Variants in GMPS observed in about 807,000 individuals in gnomAD.
GMPS encodes the protein guanosine monophosphate synthase, also known as GMP synthase [glutamine-hydrolyzing].
GMPS carries 15 observed loss-of-function variants against 77.9 expected under a neutral mutation model. That is an observed-to-expected ratio of 0.19 (90% confidence interval 0.13 to 0.30). The LOEUF (loss-of-function observed/expected upper bound fraction) is 0.30, where lower values mean the gene tolerates loss of function less well. Among genes scored for constraint, GMPS ranks in the 10% least tolerant of loss-of-function variants. The pLI is 1.00. For missense variants in GMPS, 590 were observed against 838.8 expected, an observed-to-expected ratio of 0.70 and a Z score of 3.66; for synonymous variants, 224 against 275.9, an observed-to-expected ratio of 0.81 and a Z score of 1.86.
Position 155,870,818 on chromosome 3 carries a change from C to A in GMPS, c.-53C>A. The A allele has an allele frequency of 7.8e-7, 1 of 1,276,832 alleles. No homozygotes were observed. The highest frequency in any genetic ancestry group is 1.1e-6 in the Non-Finnish European group (1 of 924,890). The allele number at this position is 1,276,832 out of a possible 1,614,324, so 79.1% of individuals were successfully genotyped here. A position where few individuals can be genotyped will look rare whatever the true frequency, so the allele number is the denominator to read the frequency against. Reference sequence around the variant, plus strand: ...CGGCGCCGACCCTTCCGGCACCCTCCCGCCCCGTCTCGTACTGTCGCCGTC... The same window carrying A: ...CGGCGCCGACCCTTCCGGCACCCTCACGCCCCGTCTCGTACTGTCGCCGTC... On this transcript the variant is annotated 5_prime_UTR_variant, in exon 1 of 16. Coordinates refer to ENST00000496455, the MANE Select transcript of GMPS (RefSeq NM_003875.3).
At chr3:155,920,490 G>A (rs1051154073) in intron 10 of GMPS, among the ~76,000 whole-genome samples, 7 of 149,796 alleles carry the variant, frequency 4.7e-5, no homozygotes, top group African/African-American at 1.2e-4. Flanking sequence ...CAGGAGAATC[G>A]CTTGAACCCG....
chr3:155,916,417 C>T (rs1755181369), intron 9 of GMPS, among the ~76,000 whole-genome samples: 1 of 151,986 alleles, frequency 6.6e-6, no homozygotes, highest in African/African-American at 2.4e-5. Context: ...TCCTCCTTTC[C>T]TCCTTTCTTG....
intron 1 of GMPS, among the ~76,000 whole-genome samples, chr3:155,888,313 G>A (rs551547364): frequency 4.6e-5 from 7 of 150,666 alleles, no homozygotes; most frequent in African/African-American, 7.3e-5. Flanking sequence ...CTTGCCTTGT[G>A]TAATTTTAAA....
intron 1 of GMPS, among the ~76,000 whole-genome samples, chr3:155,882,793 C>T (rs1025471318): frequency 1.1e-4 from 16 of 152,180 alleles, no homozygotes; most frequent in African/African-American, 3.6e-4. Flanking sequence ...TGCTTAAAAA[C>T]GTTCCTTCAC....
chr3:155,870,699 C>T lies in GMPS; in HGVS notation c.-172C>T, dbSNP rs1577492369. 2 of 530,296 alleles carry T rather than the reference C, an allele frequency of 3.8e-6. No homozygotes were observed. The highest frequency in any genetic ancestry group is 7.0e-5 in the East Asian group (2 of 28,530). The allele number at this position is 530,296 out of a possible 1,614,324, so 32.8% of individuals were successfully genotyped here. A position where few individuals can be genotyped will look rare whatever the true frequency, so the allele number is the denominator to read the frequency against. ...TCCCGCGGCGCTGGGGCCCGCGCTC[C>T]GCTGCTGTTGCTCCATTCGGCGCTT... On this transcript the variant is annotated 5_prime_UTR_variant, in exon 1 of 16. Coordinates refer to ENST00000496455, the MANE Select transcript of GMPS (RefSeq NM_003875.3).
chr3:155,879,490 CTCCTGA>C (rs528374013), intron 1 of GMPS, among the ~76,000 whole-genome samples: 179 of 152,194 alleles, frequency 1.2e-3, no homozygotes, highest in African/African-American at 3.9e-3. Context: ...TGGCCTCGAA[CTCCTGA>C]TCTCAGGTGA....
chr3:155,932,224 A>T (rs915463721), intron 13 of GMPS, among the ~76,000 whole-genome samples: 26 of 151,894 alleles, frequency 1.7e-4, no homozygotes, highest in Admixed American at 3.9e-4. Flanking sequence ...AACATGTTTT[A>T]TTCCAGAAGG....
At position 155,942,052 on chromosome 3, in the gene GMPS, A is replaced by C. The variant is rs1241116313; in HGVS notation, c.*4360A>C. On this transcript the variant is annotated 3_prime_UTR_variant, in exon 16 of 16. Coordinates refer to ENST00000496455, the MANE Select transcript of GMPS (RefSeq NM_003875.3). Reference sequence around the variant, plus strand: ...CAATAACCAGATGTCCAATTAAATAAAATTAGAATCTGGAGGAGGTAGAAC... The same window carrying C: ...CAATAACCAGATGTCCAATTAAATACAATTAGAATCTGGAGGAGGTAGAAC... 4.9e-6 allele frequency: 1 copy of C among 202,158 alleles called. No homozygotes were observed. Among genetic ancestry groups the C allele is most frequent in the Admixed American group, 6.0e-5 (1 of 16,706 alleles). The allele number at this position is 202,158 out of a possible 1,614,324, so 12.5% of individuals were successfully genotyped here.
chr3:155,928,537 C>A (rs1267532657), intron 12 of GMPS, among the ~76,000 whole-genome samples: 17 of 147,606 alleles, frequency 1.2e-4, no homozygotes, highest in Non-Finnish European at 2.3e-4. Flanking sequence ...TTAAAATTAA[C>A]TTTTTTTTTT....
intron 15 of GMPS, 38 bp downstream of exon 15, chr3:155,936,548 A>C: frequency 8.6e-7 from 1 of 1,156,906 alleles, no homozygotes. Context: ...CGTTCTCAGT[A>C]CCTCTTACAT....
intron 1 of GMPS, among the ~76,000 whole-genome samples, chr3:155,890,067 A>G (rs981830316): frequency 5.3e-5 from 8 of 152,160 alleles, no homozygotes; most frequent in Admixed American, 1.3e-4. Flanking sequence ...CCAGGTTTTG[A>G]GGGAGAGGAA....
In GMPS at chr3:155,925,295, A is replaced by C. The variant is rs543486361; in HGVS notation, c.1489A>C (p.Lys497Gln). 25 of 1,611,178 alleles carry C rather than the reference A, an allele frequency of 1.6e-5. No individual in the cohort carries two copies. In the South Asian group the frequency reaches 2.6e-4, roughly 17 times the overall value. ...KACTTEEDQE[K>Q]LMQITSLHSL... ...CTGCACAACAGAAGAGGATCAGGAGAAGCTGATGCAAATTACCAGTCTGCA... is the reference window on the plus strand; with the variant it reads ...CTGCACAACAGAAGAGGATCAGGAGCAGCTGATGCAAATTACCAGTCTGCA... The change falls in exon 12 of 16, where the codon AAG (lysine) becomes CAG (glutamine). Residue 497 changes from lysine to glutamine, a missense_variant. Physicochemically the swap from Lys to Gln is moderately conservative, Grantham distance 53. Coordinates refer to ENST00000496455, the MANE Select transcript of GMPS (RefSeq NM_003875.3).
At chr3:155,895,388 C>T (rs1577509397) in intron 2 of GMPS, 1 of 152,174 alleles carries the variant, frequency 6.6e-6, no homozygotes, top group Non-Finnish European at 1.5e-5. Context: ...TCACTGCAGC[C>T]TCTGCCTCGC....
At chr3:155,922,535 G>A (rs1012107512) in intron 11 of GMPS, among the ~76,000 whole-genome samples, 5 of 152,144 alleles carry the variant, frequency 3.3e-5, no homozygotes, top group Admixed American at 1.3e-4. Flanking sequence ...GTATTTTAAA[G>A]CACTCTTTTA....
intron 1 of GMPS, among the ~76,000 whole-genome samples, chr3:155,874,322 G>C (rs1351395325): frequency 6.6e-6 from 1 of 152,170 alleles, no homozygotes; most frequent in Non-Finnish European, 1.5e-5. Flanking sequence ...ATCATACTTG[G>C]ATGAAAGATG....
At chr3:155,878,306 C>A (rs1320630789) in intron 1 of GMPS, among the ~76,000 whole-genome samples, 1 of 152,212 alleles carries the variant, frequency 6.6e-6, no homozygotes, top group Non-Finnish European at 1.5e-5. Context: ...ATAATGCTTT[C>A]AAGGTTCATC....
At chr3:155,871,645 C>T (rs1753909266) in intron 1 of GMPS, among the ~76,000 whole-genome samples, 1 of 152,242 alleles carries the variant, frequency 6.6e-6, no homozygotes, top group Non-Finnish European at 1.5e-5. Context: ...GTCCAGCTTG[C>T]TCCCTGTCGA....
chr3:155,925,199 T>C, intron 11 of GMPS, 42 bp from the exon 12 acceptor site: 1 of 1,571,610 alleles, frequency 6.4e-7, no homozygotes, highest in Non-Finnish European at 8.7e-7. Flanking sequence ...GTGAATACCT[T>C]ATTTCTTAAA....
chr3:155,884,742 C>A (rs1754295849), intron 1 of GMPS, among the ~76,000 whole-genome samples: 1 of 152,078 alleles, frequency 6.6e-6, no homozygotes, highest in South Asian at 2.1e-4. Context: ...TTCAGTTTAC[C>A]TGAGAAGATA....
Sources: gnomAD v4.1 joint callset for allele counts (sites outside exome capture counted in the v4.1 genomes callset) on GRCh38, gnomAD v4.1.1 for gene constraint, MANE v1.5 for transcripts, NCBI Gene and HGNC (gene_info 2026-07-23, HGNC 2026-07-21) for gene names.